Variants in CNTNAP4 observed in about 807,000 individuals in gnomAD.
The protein encoded by CNTNAP4 is contactin associated protein family member 4, also known as contactin-associated protein-like 4.
Under a neutral mutation model 148.4 loss-of-function variants are expected in CNTNAP4, and 98 were observed. The observed-to-expected ratio is 0.66, with a 90% CI of 0.56 to 0.78. CNTNAP4 has a LOEUF of 0.78. Ranked by LOEUF, CNTNAP4 falls within the 30% of genes least tolerant of loss-of-function variation. CNTNAP4 has a pLI of 0.00. For missense variants in CNTNAP4, 1,935 were observed against 1,565.6 expected (o/e 1.24, Z -3.98); for synonymous variants, 730 against 565.1 (o/e 1.29, Z -4.14).
intron 2 of CNTNAP4, among the ~76,000 whole-genome samples, chr16:76,325,954 C>T (rs988172644): frequency 6.6e-6 from 1 of 152,034 alleles, no homozygotes; most frequent in African/African-American, 2.4e-5. Context: ...TATTTCTCTA[C>T]CTGTAAGAGA....
chr16:76,545,528 C>T (rs996752712), intron 21 of CNTNAP4, among the ~76,000 whole-genome samples: 2 of 152,126 alleles, frequency 1.3e-5, no homozygotes, highest in Non-Finnish European at 2.9e-5. Context: ...ATGATGTCAC[C>T]TGCAAAGCTT....
chr16:76,355,327 G>T lies in CNTNAP4; in HGVS notation c.206G>T (p.Gly69Val). Residue 69 changes from glycine (G) to valine (V), a missense_variant, in exon 3 of 24, where the codon GGC becomes GTC. Coordinates refer to ENST00000611870, the MANE Select transcript of CNTNAP4 (RefSeq NM_033401.5). ...ARLNRRDGAGGWSPLVSNKYQ... is the reference protein window; with the variant it reads ...ARLNRRDGAGVWSPLVSNKYQ... ...CTATTTTTAATAAAAGGAGCTGGTG[G>T]CTGGTCTCCACTTGTGTCTAACAAA... 2 of 1,536,248 alleles carry T rather than the reference G, an allele frequency of 1.3e-6. No individual in the cohort carries two copies. The highest frequency in any genetic ancestry group is 1.8e-6 in the Non-Finnish European group (2 of 1,142,084).
At chr16:76,433,858 A>G (rs1262450471) in intron 4 of CNTNAP4, among the ~76,000 whole-genome samples, 5 of 152,128 alleles carry the variant, frequency 3.3e-5, no homozygotes. Context: ...ATAGTAGCTG[A>G]GAAATACTGT....
intron 12 of CNTNAP4, among the ~76,000 whole-genome samples, chr16:76,480,590 T>A (rs34010544): frequency 0.1 from 15,551 of 152,004 alleles, 958 homozygotes; most frequent in South Asian, 0.2. Flanking sequence ...ATACAAAAAT[T>A]AGCTGGGCAT....
chr16:76,390,138 A>G (rs556681520), intron 3 of CNTNAP4, among the ~76,000 whole-genome samples: 1 of 152,300 alleles, frequency 6.6e-6, no homozygotes, highest in Non-Finnish European at 1.5e-5. Context: ...TCACTGGATG[A>G]GGACTTAGCC....
intron 3 of CNTNAP4, among the ~76,000 whole-genome samples, chr16:76,421,602 G>T (rs183292681): frequency 3.6e-4 from 55 of 152,174 alleles, no homozygotes; most frequent in African/African-American, 1.3e-3. Context: ...GGCACATTTA[G>T]TAAAGATTTA....
rs773885081 is a variant in CNTNAP4 at position 76,495,004 on chromosome 16, A to G, written c.2175A>G (p.Gly725=). 10 of 1,613,568 alleles carry G rather than the reference A, an allele frequency of 6.2e-6. No individual in the cohort carries two copies. Among genetic ancestry groups the G allele is most frequent in the Middle Eastern group, 1.7e-4 (1 of 6,054 alleles). Residue 725 remains glycine, a synonymous_variant, in exon 14 of 24, where the codon GGA becomes GGG. Transcript: ENST00000611870. The part of the protein sequence containing the change: ...SSPDLQKCTC[G]LEGNCIDSQY... ...CTGATCTTCAAAAATGTACTTGTGG[A>G]TTAGAGGGAAACTGCATTGATTCTC...
At chr16:76,522,584 T>TTC (rs140375003) in intron 17 of CNTNAP4, among the ~76,000 whole-genome samples, 5 of 145,352 alleles carry the variant, frequency 3.4e-5, no homozygotes, top group African/African-American at 7.8e-5. Flanking sequence ...CCTCCTTTCT[T>TTC]TCTCTCTCTC....
chr16:76,423,820 C>T (rs747186018), intron 3 of CNTNAP4, among the ~76,000 whole-genome samples: 3 of 152,010 alleles, frequency 2.0e-5, no homozygotes, highest in Non-Finnish European at 4.4e-5. Flanking sequence ...CATATTTTTC[C>T]AAGTGACACT....
chr16:76,388,014 G>T (rs543583041), intron 3 of CNTNAP4, among the ~76,000 whole-genome samples: 1 of 152,182 alleles, frequency 6.6e-6, no homozygotes, highest in East Asian at 1.9e-4. Flanking sequence ...TGTCATTAAC[G>T]GGTGCTTGCC....
intron 17 of CNTNAP4, among the ~76,000 whole-genome samples, chr16:76,533,554 A>G (rs755025569): frequency 7.4e-4 from 112 of 152,182 alleles, no homozygotes; most frequent in Non-Finnish European, 1.5e-3. Context: ...GATCACTAAT[A>G]TCATGTATAT....
Position 76,479,448 on chromosome 16 carries a change from A to C in CNTNAP4, c.1792A>C (p.Lys598Gln). The C allele has an allele frequency of 6.2e-7, 1 of 1,610,362 alleles. No individual in the cohort carries two copies. The highest frequency in any genetic ancestry group is 8.5e-7 in the Non-Finnish European group (1 of 1,178,418). Residue 598 changes from lysine (K) to glutamine (Q), a missense_variant, in exon 12 of 24, where the codon AAG becomes CAG. Coordinates refer to ENST00000611870, the MANE Select transcript of CNTNAP4 (RefSeq NM_033401.5). ...SIYEQSCEAYKHRGNTSGFYY... is the reference protein window; with the variant it reads ...SIYEQSCEAYQHRGNTSGFYY... ...CTATGAGCAGTCATGTGAAGCCTAT[A>C]AGCACAGAGGAAATACTTCAGGGTT...
In CNTNAP4 at chr16:76,370,922, AT is replaced by A. The variant is rs1403654119; in HGVS notation, c.390+15414del. On this transcript the variant is annotated intron_variant, in intron 3 of 23. Transcript: ENST00000611870. Reference sequence around the variant, plus strand: ...TAGTGCCACATGTATAAAATGTTACATTTAGCGCTCTTCTGTCCTGGTAATA... The same window carrying A: ...TAGTGCCACATGTATAAAATGTTACATTAGCGCTCTTCTGTCCTGGTAATA... Among the ~76,000 whole-genome samples, 3 of 152,024 alleles carry A rather than the reference AT, an allele frequency of 2.0e-5. No individual in the cohort carries two copies. The East Asian group carries it at 5.8e-4, about 29-fold the overall frequency.
At chr16:76,530,016 G>A (rs1425015443) in intron 17 of CNTNAP4, among the ~76,000 whole-genome samples, 2 of 151,796 alleles carry the variant, frequency 1.3e-5, no homozygotes, top group African/African-American at 4.8e-5. Context: ...CAGATCTGTT[G>A]CCCGTTTTCT....
intron 15 of CNTNAP4, among the ~76,000 whole-genome samples, chr16:76,510,360 A>G (rs958297981): frequency 3.3e-5 from 5 of 152,090 alleles, no homozygotes; most frequent in Non-Finnish European, 5.9e-5. Flanking sequence ...ATAATACTCC[A>G]TTCTGTGGCT....
intron 7 of CNTNAP4, among the ~76,000 whole-genome samples, chr16:76,450,683 G>A (rs747978724): frequency 5.3e-5 from 8 of 152,212 alleles, no homozygotes; most frequent in Non-Finnish European, 8.8e-5. Flanking sequence ...TACAGGTTGT[G>A]TTACAATATT....
chr16:76,371,020 T>C (rs1371698510), intron 3 of CNTNAP4, among the ~76,000 whole-genome samples: 1 of 152,202 alleles, frequency 6.6e-6, no homozygotes. Context: ...TGAAAAATGC[T>C]GAACCATTGG....
intron 4 of CNTNAP4, among the ~76,000 whole-genome samples, chr16:76,438,498 C>CCGGG (rs1185178876): frequency 1.9e-3 from 285 of 152,018 alleles, no homozygotes; most frequent in African/African-American, 6.4e-3. Context: ...AAGAGTATTG[C>CCGGG]CTTGGGAGTA....
intron 17 of CNTNAP4, among the ~76,000 whole-genome samples, chr16:76,526,442 C>G (rs2083735277): frequency 6.6e-6 from 1 of 152,060 alleles, no homozygotes. Context: ...TCTTACTACC[C>G]AGAAGGGTAT....
Sources: allele counts gnomAD v4.1 joint callset (sites outside exome capture counted in the v4.1 genomes callset), GRCh38; gene constraint gnomAD v4.1.1; transcripts MANE v1.5; gene names NCBI Gene and HGNC (gene_info 2026-07-23, HGNC 2026-07-21).